The following RABGAP1 variants were observed in gnomAD, a reference collection of about 807,000 sequenced individuals.
RABGAP1 encodes the protein rab GTPase-activating protein 1.
RABGAP1 carries 23 observed loss-of-function variants against 137.6 expected under a neutral mutation model. That is an observed-to-expected ratio of 0.17 (90% confidence interval 0.12 to 0.24). The LOEUF is 0.24. Among genes scored for constraint, RABGAP1 ranks in the 10% least tolerant of loss-of-function variants. The pLI, the probability that RABGAP1 is intolerant of heterozygous loss-of-function variation, is 1.00. For synonymous variants in RABGAP1, 451 were observed against 450.7 expected (o/e 1.00, Z -0.01); for missense variants, 906 against 1,275.8 (o/e 0.71, Z 4.42).
chr9:123,041,548 T>C (rs1327591203), intron 13 of RABGAP1, among the ~76,000 whole-genome samples: 1 of 152,198 alleles, frequency 6.6e-6, no homozygotes, highest in Non-Finnish European at 1.5e-5. Flanking sequence ...CTGCTAAATG[T>C]AGCAGATTGA....
intron 13 of RABGAP1, among the ~76,000 whole-genome samples, chr9:123,052,458 C>T (rs2033525318): frequency 6.6e-6 from 1 of 152,168 alleles, no homozygotes; most frequent in Non-Finnish European, 1.5e-5. Flanking sequence ...GTCATACATC[C>T]TTTTGAGAAT....
intron 13 of RABGAP1, among the ~76,000 whole-genome samples, chr9:123,060,676 C>T (rs994783188): frequency 3.9e-5 from 6 of 152,114 alleles, no homozygotes; most frequent in South Asian, 2.1e-4. Context: ...TTTAGCCAGT[C>T]TCATGTGTGT....
At position 123,103,200 on chromosome 9, in the gene RABGAP1, AAG is replaced by A; in HGVS notation, c.3201_3202del (p.Glu1067AspfsTer30). 1 of 1,614,064 alleles carries A rather than the reference AAG, an allele frequency of 6.2e-7. No individual in the cohort carries two copies. Among genetic ancestry groups the A allele is most frequent in the South Asian group, 1.1e-5 (1 of 91,080 alleles). ...AAGACAGCAACCGGGGTTCAAGGGA[AAG>A]AGACTTGCTGAGAGCAGCTGCCGCC... On this transcript the variant is annotated frameshift_variant, in exon 26 of 26. Transcript: ENST00000373647. LOFTEE classifies it high-confidence loss of function.
At chr9:122,994,708 A>G (rs1836927426) in intron 6 of RABGAP1, among the ~76,000 whole-genome samples, 1 of 152,238 alleles carries the variant, frequency 6.6e-6, no homozygotes, top group Non-Finnish European at 1.5e-5. Context: ...GTACAGAAAT[A>G]AGATACAATT....
intron 13 of RABGAP1, chr9:123,034,729 T>C (rs1588305883): frequency 6.2e-7 from 1 of 1,613,924 alleles, no homozygotes; most frequent in African/African-American, 1.3e-5. Context: ...TGTATTTCAC[T>C]GTGCACCTTT....
the RABGAP1 span, among the ~76,000 whole-genome samples, chr9:122,933,823 C>G: frequency 6.6e-6 from 1 of 152,046 alleles, no homozygotes; most frequent in South Asian, 2.1e-4. Context: ...TGGGGTTTTA[C>G]CATGTTGGCC....
intron 4 of RABGAP1, 151 bp from the exon 5 acceptor site, chr9:122,989,146 A>G (rs1836530005): frequency 1.4e-6 from 1 of 709,228 alleles, no homozygotes; most frequent in Admixed American, 2.7e-5. Context: ...CGGAATTCAC[A>G]TATGAGTTAC....
At chr9:122,998,240 C>T (rs1428319390) in intron 9 of RABGAP1, among the ~76,000 whole-genome samples, 5 of 152,124 alleles carry the variant, frequency 3.3e-5, no homozygotes, top group Non-Finnish European at 7.4e-5. Context: ...TCTGGGACTA[C>T]AGGCATGTGC....
chr9:123,098,251 C>T (rs534468134), intron 22 of RABGAP1, among the ~76,000 whole-genome samples: 2 of 152,240 alleles, frequency 1.3e-5, no homozygotes, highest in Non-Finnish European at 2.9e-5. Context: ...GACCTGCAGG[C>T]ATGGGAAGAG....
chr9:123,070,415 C>A lies in RABGAP1; in HGVS notation c.1974C>A (p.Leu658=). The change falls in exon 15 of 26, where the codon CTC becomes CTA. Residue 658 remains leucine (L), a synonymous_variant. Transcript: ENST00000373647. This position sits in a 1 kb window ranked among gnomAD's most constrained non-coding sequence, Gnocchi z 4.4. ...GCCAGTCATTTCTTGCTGCTGTGCT[C>A]CTTCTCCATGTGAGTAATTAGGTCT... The part of the protein sequence containing the change: ...CQGQSFLAAV[L]LLHMPEEQAF... 6.2e-7 allele frequency: 1 copy of A among 1,614,076 alleles called. No homozygotes were observed. Among genetic ancestry groups the A allele is most frequent in the South Asian group, 1.1e-5 (1 of 91,072 alleles).
chr9:122,941,316 C>T (rs1045973266), intron 1 of RABGAP1, among the ~76,000 whole-genome samples: 1 of 152,222 alleles, frequency 6.6e-6, no homozygotes, highest in Non-Finnish European at 1.5e-5. Context: ...GCAGGCTGGG[C>T]CGCTCTGGGA....
At chr9:122,992,097 C>G (rs1467618694) in intron 6 of RABGAP1, among the ~76,000 whole-genome samples, 1 of 151,698 alleles carries the variant, frequency 6.6e-6, no homozygotes, top group African/African-American at 2.4e-5. Flanking sequence ...AATGTAGTGG[C>G]ACGATCACGG....
chr9:123,056,661 G>A (rs2033713220), intron 13 of RABGAP1, among the ~76,000 whole-genome samples: 1 of 151,772 alleles, frequency 6.6e-6, no homozygotes, highest in Non-Finnish European at 1.5e-5. Flanking sequence ...GGGTACTTGA[G>A]ATTAGGGAGT....
At chr9:122,958,174 G>T (rs894681117) in intron 2 of RABGAP1, among the ~76,000 whole-genome samples, 1 of 152,126 alleles carries the variant, frequency 6.6e-6, no homozygotes, top group African/African-American at 2.4e-5. Context: ...GGCAGCAGTG[G>T]CAAACAGTTA....
At chr9:123,092,247 A>G (rs1431976205) in intron 21 of RABGAP1, among the ~76,000 whole-genome samples, 3 of 152,152 alleles carry the variant, frequency 2.0e-5, no homozygotes, top group Non-Finnish European at 2.9e-5. Context: ...AAACAGTATA[A>G]ACCCTTTTTC....
At chr9:122,995,623 T>C (rs1385285055) in intron 6 of RABGAP1, among the ~76,000 whole-genome samples, 5 of 146,206 alleles carry the variant, frequency 3.4e-5, no homozygotes, top group Non-Finnish European at 7.4e-5. Context: ...TGCTGGAGTG[T>C]AGTGGCGCAA....
At chr9:122,949,610 G>A (rs1347805042) in intron 1 of RABGAP1, among the ~76,000 whole-genome samples, 8 of 148,070 alleles carry the variant, frequency 5.4e-5, no homozygotes, top group Admixed American at 4.8e-4. Context: ...CAGGAGAATC[G>A]CTTGAACTCT....
At chr9:123,084,359 A>G (rs2034804351) in intron 19 of RABGAP1, among the ~76,000 whole-genome samples, 1 of 152,176 alleles carries the variant, frequency 6.6e-6, no homozygotes, top group African/African-American at 2.4e-5. Flanking sequence ...ACATGAAGCA[A>G]TGAAGACTTT....
chr9:122,973,008 CT>C (rs200957439), intron 2 of RABGAP1, among the ~76,000 whole-genome samples: 31 of 143,430 alleles, frequency 2.2e-4, no homozygotes, highest in Non-Finnish European at 2.3e-4. Flanking sequence ...AGGTATATTT[CT>C]TTTTTTTTTA....
Sources: allele counts gnomAD v4.1 joint callset (sites outside exome capture counted in the v4.1 genomes callset), GRCh38; gene constraint gnomAD v4.1.1; non-coding constraint Gnocchi (gnomAD v3.1); transcripts MANE v1.5; gene names NCBI Gene and HGNC (gene_info 2026-07-23, HGNC 2026-07-21).